Variants in ATP5F1A observed in about 807,000 individuals in gnomAD.
ATP5F1A encodes ATP synthase F1 subunit alpha, also known as ATP synthase F(1) complex subunit alpha, mitochondrial.
In ATP5F1A, 24 loss-of-function variants were observed where a neutral mutation model predicts 57.4. That is an observed-to-expected ratio of 0.42 (90% CI 0.30 to 0.59). The LOEUF is 0.59. Ranked by LOEUF, ATP5F1A falls within the 20% of genes least tolerant of loss-of-function variation. The pLI is 0.19. For missense variants in ATP5F1A, 494 were observed against 707.9 expected (o/e 0.70, Z 3.43); for synonymous variants, 251 against 255.5 (o/e 0.98, Z 0.17).
At chr18:46,090,743 A>G (rs1910495647) in intron 3 of ATP5F1A, among the ~76,000 whole-genome samples, 1 of 152,196 alleles carries the variant, frequency 6.6e-6, no homozygotes, top group South Asian at 2.1e-4. Flanking sequence ...AAATTTGTCA[A>G]ATTTAAAAGA....
chr18:46,096,500 C>CAAA (rs770383471), intron 1 of ATP5F1A, among the ~76,000 whole-genome samples: 1,440 of 70,576 alleles, frequency 0.02, 66 homozygotes, highest in African/African-American at 0.066. Flanking sequence ...AACTCCGTCT[C>CAAA]AAAAAAAAAA....
chr18:46,095,912 G>A (rs563097799), intron 1 of ATP5F1A, among the ~76,000 whole-genome samples: 44 of 151,184 alleles, frequency 2.9e-4, no homozygotes, highest in Admixed American at 4.0e-4. Flanking sequence ...CTTCTGAGAC[G>A]GAGTCTCATT....
chr18:46,084,531 T>C lies in ATP5F1A; in HGVS notation c.1553A>G (p.Gln518Arg), dbSNP rs767033836. 6 of 1,606,540 alleles carry C rather than the reference T, an allele frequency of 3.7e-6. No homozygotes were observed. Residue 518 changes from glutamine (Q) to arginine (R), a missense_variant, in exon 11 of 12, where the codon CAG (glutamine) becomes CGG (arginine). By Grantham distance (43) the Gln-to-Arg change is conservative. Coordinates refer to ENST00000398752, the MANE Select transcript of ATP5F1A (RefSeq NM_004046.6). Reference protein sequence around the residue: ...ENAFLSHVVSQHQALLGTIRA... With the variant: ...ENAFLSHVVSRHQALLGTIRA... ...GATAGTGCCCAACAAGGCTTGGTGC[T>C]GGCTGACGACATGAGACAAGAAAGC... is the stretch of plus-strand genomic sequence containing the variant.
chr18:46,092,652 G>A (rs1910651651), intron 2 of ATP5F1A, among the ~76,000 whole-genome samples: 1 of 149,830 alleles, frequency 6.7e-6, no homozygotes, highest in African/African-American at 2.5e-5. Flanking sequence ...ACTGTAACAC[G>A]AGATTCTATT....
chr18:46,086,572 A>T, intron 8 of ATP5F1A, 78 bp from the exon 9 acceptor site: 1 of 1,358,012 alleles, frequency 7.4e-7, no homozygotes, highest in East Asian at 2.5e-5. Flanking sequence ...TCATTATGCC[A>T]AAAAGCTGAA....
At position 46,098,261 on chromosome 18, in the gene ATP5F1A, T is replaced by G. The variant is rs367797793; in HGVS notation, c.-30A>C. ...GCAGTTACTCCGCAGGCGGTACTTC[T>G]GCAGCCGCAGCCTCCGGACTGACTG... On this transcript the variant is annotated 5_prime_UTR_variant, in exon 1 of 12. Coordinates refer to ENST00000398752, the MANE Select transcript of ATP5F1A (RefSeq NM_004046.6). 2 of 1,595,770 alleles carry G rather than the reference T, an allele frequency of 1.3e-6. No individual in the cohort carries two copies. The highest frequency in any genetic ancestry group is 1.7e-6 in the Non-Finnish European group (2 of 1,175,022).
Position 46,093,571 on chromosome 18 carries a change from C to G in ATP5F1A, c.139+1482G>C, listed in dbSNP as rs566003769. On this transcript the variant is annotated intron_variant, in intron 2 of 11. Coordinates refer to ENST00000398752, the MANE Select transcript of ATP5F1A (RefSeq NM_004046.6). ...AAAACAAAACAAAATAAAAAAACAT[C>G]CCAGCACTTTGGGAGGCCAAGGTAG... Among the ~76,000 whole-genome samples the G allele has an allele frequency of 6.6e-4, 100 of 151,986 alleles. 1 individual carries two copies. In the South Asian group the frequency reaches 0.021, roughly 31 times the overall value.
intron 1 of ATP5F1A, among the ~76,000 whole-genome samples, chr18:46,103,634 A>AT (rs1911357912): frequency 6.8e-6 from 1 of 147,742 alleles, no homozygotes; most frequent in Non-Finnish European, 1.5e-5. Context: ...AAAAAAAAAA[A>AT]GCTGGGCGCG....
chr18:46,099,135 A>G (rs1444670434), upstream of ATP5F1A, among the ~76,000 whole-genome samples: 1 of 152,210 alleles, frequency 6.6e-6, no homozygotes, highest in African/African-American at 2.4e-5. Flanking sequence ...GGAGGCCTAG[A>G]AGAGTCATTG....
At chr18:46,092,425 A>G (rs967196258) in intron 2 of ATP5F1A, among the ~76,000 whole-genome samples, 3 of 150,496 alleles carry the variant, frequency 2.0e-5, no homozygotes, top group African/African-American at 7.3e-5. Context: ...CCTGGCCAAC[A>G]TTGTGAAACC....
chr18:46,103,970 A>G (rs1428974367), intron 1 of ATP5F1A, among the ~76,000 whole-genome samples: 1 of 152,158 alleles, frequency 6.6e-6, no homozygotes, highest in Non-Finnish European at 1.5e-5. Flanking sequence ...TCAAGTTAAG[A>G]TTGCCTCAGC....
In ATP5F1A at chr18:46,096,756, C is replaced by A. The variant is rs552970258; in HGVS notation, c.60+1416G>T. ...CAGCACTTCAGAAGGCCGAGGCGAG[C>A]GGATCACCTGACGTCAGGAGTTCAA... On this transcript the variant is annotated intron_variant, in intron 1 of 11. Coordinates refer to ENST00000398752, the MANE Select transcript of ATP5F1A (RefSeq NM_004046.6). Among the ~76,000 whole-genome samples, 10 of 151,120 alleles carry A rather than the reference C, an allele frequency of 6.6e-5. No homozygotes were observed. In the East Asian group the frequency reaches 1.2e-3, roughly 19 times the overall value.
upstream of ATP5F1A, among the ~76,000 whole-genome samples, chr18:46,098,677 C>T (rs540506655): frequency 1.9e-4 from 29 of 152,140 alleles, no homozygotes; most frequent in African/African-American, 6.7e-4. Context: ...AGTGTTAGAC[C>T]GTGGTTTAGC....
rs184076259 is a variant in ATP5F1A, at chr18:46,090,685, A to T, written c.310-689T>A. 1.4e-3 allele frequency among the ~76,000 whole-genome samples: 210 copies of T among 152,328 alleles called. 1 individual carries two copies. Among genetic ancestry groups the T allele is most frequent in the African/African-American group, 4.8e-3 (201 of 41,580 alleles). ...ATTACACATCCAAAAACTTTAACCT[A>T]CATCTCTGATGTTCAATACAGCATC... On this transcript the variant is annotated intron_variant, in intron 3 of 11. Transcript: ENST00000398752.
chr18:46,094,955 A>C, intron 2 of ATP5F1A, 98 bp downstream of exon 2: 1 of 1,401,714 alleles, frequency 7.1e-7, no homozygotes, highest in South Asian at 1.8e-5. Flanking sequence ...CTAGAGAAAA[A>C]ACTAACAAAT....
In ATP5F1A at chr18:46,084,256, G is replaced by A. The variant is rs752125864; in HGVS notation, c.*26C>T. ...ACTAGAACAATGACAAAACTGAACT[G>A]GTATTTGATGTGAATCCACAGGAGT... On this transcript the variant is annotated 3_prime_UTR_variant, in exon 12 of 12. Coordinates refer to ENST00000398752, the MANE Select transcript of ATP5F1A (RefSeq NM_004046.6). 2 of 1,590,062 alleles carry A rather than the reference G, an allele frequency of 1.3e-6. No homozygotes were observed. The highest frequency in any genetic ancestry group is 2.2e-5 in the South Asian group (2 of 89,050).
upstream of ATP5F1A, chr18:46,098,536 C>T (rs1599795705): frequency 2.0e-6 from 1 of 494,312 alleles, no homozygotes; most frequent in Non-Finnish European, 2.6e-6. Context: ...TGTGGTTGCC[C>T]CGGGTGACCA....
chr18:46,098,362 A>AGGGGGGG, upstream of ATP5F1A: 2 of 1,281,378 alleles, frequency 1.6e-6, no homozygotes, highest in Non-Finnish European at 2.0e-6. Flanking sequence ...CCTCGCGTTC[A>AGGGGGGG]CCACCTCTCC....
At chr18:46,085,306 TAAAAAAAAAAAA>T (rs570529381) in intron 10 of ATP5F1A, 1 of 106,566 alleles carries the variant, frequency 9.4e-6, no homozygotes, top group Non-Finnish European at 2.0e-5. Flanking sequence ...GACTCTGTAT[TAAAAAAAAAAAA>T]AAAAAAGAAA....
Sources: gnomAD v4.1 joint callset for allele counts (sites outside exome capture counted in the v4.1 genomes callset) on GRCh38, gnomAD v4.1.1 for gene constraint, MANE v1.5 for transcripts, NCBI Gene and HGNC (gene_info 2026-07-23, HGNC 2026-07-21) for gene names.